IQGAP2: variants seen among roughly 807,000 people sequenced by gnomAD.
IQGAP2 encodes IQ motif containing GTPase activating protein 2, also known as ras GTPase-activating-like protein IQGAP2.
A neutral mutation model predicts 201.3 loss-of-function variants in IQGAP2; 173 were observed. The ratio of observed to expected loss-of-function variants is 0.86; its 90% confidence interval spans 0.76 to 0.98. The LOEUF (loss-of-function observed/expected upper bound fraction) is 0.98. Among genes scored for constraint, IQGAP2 ranks in the 50% least tolerant of loss-of-function variants. IQGAP2 has a pLI of 0.00. For synonymous variants in IQGAP2, 675 were observed against 673.9 expected, an observed-to-expected ratio of 1.00 and a Z score of -0.03; for missense variants, 1,687 against 1,864.8, an observed-to-expected ratio of 0.90 and a Z score of 1.76.
chr5:76,650,701 C>T (rs1233106868), intron 17 of IQGAP2, among the ~76,000 whole-genome samples: 1 of 152,078 alleles, frequency 6.6e-6, no homozygotes, highest in South Asian at 2.1e-4. Context: ...TATACATGTG[C>T]CATGTTGGTT....
At chr5:76,551,188 C>G (rs1162105838) in intron 2 of IQGAP2, among the ~76,000 whole-genome samples, 1 of 145,368 alleles carries the variant, frequency 6.9e-6, no homozygotes. Flanking sequence ...CGGGCAGAGA[C>G]GCTCCTCACC....
intron 13 of IQGAP2, among the ~76,000 whole-genome samples, chr5:76,621,648 A>G (rs1749684703): frequency 6.6e-6 from 1 of 152,216 alleles, no homozygotes; most frequent in Non-Finnish European, 1.5e-5. Context: ...CAGACATGCC[A>G]AACAGTGCCT....
At chr5:76,508,923 GT>G (rs1757775973) in intron 2 of IQGAP2, among the ~76,000 whole-genome samples, 1 of 151,972 alleles carries the variant, frequency 6.6e-6, no homozygotes, top group South Asian at 2.1e-4. Flanking sequence ...TGTACCCTCT[GT>G]TTTAAGTATC....
intron 13 of IQGAP2, among the ~76,000 whole-genome samples, chr5:76,613,300 G>A (rs543736608): frequency 2.6e-5 from 4 of 152,310 alleles, no homozygotes; most frequent in East Asian, 3.9e-4. Flanking sequence ...AGGTGGCTGT[G>A]GCCATGGCAC....
chr5:76,646,853 T>G (rs1411558375), intron 17 of IQGAP2, among the ~76,000 whole-genome samples: 1 of 152,206 alleles, frequency 6.6e-6, no homozygotes, highest in African/African-American at 2.4e-5. Context: ...CTCATGTATA[T>G]TTTTCTGCTA....
chr5:76,438,016 TTTTTTTTTTTTTTTG>T (rs1752803867), intron 1 of IQGAP2, among the ~76,000 whole-genome samples: 1 of 42,092 alleles, frequency 2.4e-5, no homozygotes, highest in African/African-American at 6.8e-5. Context: ...TAGTTTTTTT[TTTTTTTTTTTTTTTG>T]TTTGTTTTTT....
intron 2 of IQGAP2, among the ~76,000 whole-genome samples, chr5:76,554,901 G>C (rs528384714): frequency 2.0e-5 from 3 of 151,912 alleles, no homozygotes; most frequent in Non-Finnish European, 4.4e-5. Flanking sequence ...AAGTTATGGG[G>C]GAAAATAACA....
intron 17 of IQGAP2, among the ~76,000 whole-genome samples, chr5:76,650,799 G>A (rs576889234): frequency 3.9e-5 from 6 of 152,256 alleles, no homozygotes; most frequent in African/African-American, 1.2e-4. Flanking sequence ...TAACTGATGT[G>A]TAACATCCCT....
intron 15 of IQGAP2, among the ~76,000 whole-genome samples, chr5:76,632,622 A>G (rs1750803546): frequency 6.6e-6 from 1 of 152,158 alleles, no homozygotes; most frequent in South Asian, 2.1e-4. Context: ...CCCAAGGACA[A>G]TTAATTTTTA....
chr5:76,634,721 A>G (rs572280741), intron 15 of IQGAP2, among the ~76,000 whole-genome samples: 10 of 152,314 alleles, frequency 6.6e-5, no homozygotes, highest in Admixed American at 5.9e-4. Context: ...CTCTGGTTCT[A>G]GGATGTCTTA....
chr5:76,511,149 A>G (rs1211633404), intron 2 of IQGAP2, among the ~76,000 whole-genome samples: 2 of 152,214 alleles, frequency 1.3e-5, no homozygotes, highest in African/African-American at 4.8e-5. Context: ...AGGAAAGGAA[A>G]ACCTTGGTTG....
At chr5:76,685,971 A>G (rs1745701943) in intron 30 of IQGAP2, among the ~76,000 whole-genome samples, 1 of 152,126 alleles carries the variant, frequency 6.6e-6, no homozygotes, top group Admixed American at 6.5e-5. Context: ...ACTAGTCTGC[A>G]CTCTATGTCT....
intron 28 of IQGAP2, among the ~76,000 whole-genome samples, chr5:76,681,160 A>T (rs253165): frequency 6.7e-6 from 1 of 149,066 alleles, no homozygotes; most frequent in Non-Finnish European, 1.5e-5. Flanking sequence ...TGTAAATAAT[A>T]TGTTTGATTG....
At chr5:76,599,698 C>T (rs772177065) in intron 10 of IQGAP2, among the ~76,000 whole-genome samples, 2 of 152,050 alleles carry the variant, frequency 1.3e-5, no homozygotes, top group Non-Finnish European at 2.9e-5. Flanking sequence ...TGCGAGACTT[C>T]TGTGGAGATC....
chr5:76,440,853 G>T (rs769467885), intron 1 of IQGAP2, among the ~76,000 whole-genome samples: 1 of 152,044 alleles, frequency 6.6e-6, no homozygotes. Flanking sequence ...CCAACATGGC[G>T]AAACCTGTCC....
At chr5:76,611,747 G>A (rs983125579) in intron 13 of IQGAP2, among the ~76,000 whole-genome samples, 3 of 152,138 alleles carry the variant, frequency 2.0e-5, no homozygotes, top group African/African-American at 4.8e-5. Flanking sequence ...CTGTCCTCTC[G>A]AAGACTAGTG....
intron 17 of IQGAP2, among the ~76,000 whole-genome samples, chr5:76,649,652 T>G (rs2431364): frequency 0.5 from 76,178 of 151,804 alleles, 19,528 homozygotes; most frequent in Non-Finnish European, 0.56. Flanking sequence ...TCCAGGCACG[T>G]GGTACAAGCT....
At chr5:76,662,422 T>C (rs997286085) in intron 21 of IQGAP2, among the ~76,000 whole-genome samples, 5 of 152,172 alleles carry the variant, frequency 3.3e-5, no homozygotes, top group African/African-American at 9.7e-5. Flanking sequence ...CATCTGTATA[T>C]GGCAAAAACC....
At chr5:76,664,973 G>T in intron 21 of IQGAP2, 53 bp from the exon 22 acceptor site, 2 of 984,920 alleles carry the variant, frequency 2.0e-6, no homozygotes, top group Non-Finnish European at 3.1e-6. Flanking sequence ...GTGAAGGGAG[G>T]AGATAAAGAG....
Sources: gnomAD v4.1 joint callset for allele counts (sites outside exome capture counted in the v4.1 genomes callset) on GRCh38, gnomAD v4.1.1 for gene constraint, MANE v1.5 for transcripts, NCBI Gene and HGNC (gene_info 2026-07-23, HGNC 2026-07-21) for gene names.